The following CSTL1 variants were observed in gnomAD, a reference collection of about 807,000 sequenced individuals.
The protein encoded by CSTL1 is cystatin like 1, also known as cystatin-like 1.
In CSTL1, 14 loss-of-function variants were observed where a neutral mutation model predicts 14.4. That is an observed-to-expected ratio of 0.97 (90% CI 0.64 to 1.52). The LOEUF is 1.52. Among genes scored for constraint, CSTL1 ranks in the 40% most tolerant of loss-of-function variants. The probability of loss-of-function intolerance (pLI) is 0.00; values close to 1 mark genes in which losing one functional copy is unlikely to be tolerated. For synonymous variants in CSTL1, 72 were observed against 67.5 expected, an observed-to-expected ratio of 1.07 and a Z score of -0.33; for missense variants, 170 against 168.7, an observed-to-expected ratio of 1.01 and a Z score of -0.04.
At chr20:23,451,849 C>T in the CSTL1 span, 48 of 1,613,960 alleles carry the variant, frequency 3.0e-5, no homozygotes, top group Admixed American at 5.0e-5. Context: ...GGACACAGTT[C>T]GTGGTCTCTG....
the CSTL1 span, among the ~76,000 whole-genome samples, chr20:23,452,240 G>A: frequency 6.6e-6 from 1 of 152,108 alleles, no homozygotes; most frequent in African/African-American, 2.4e-5. Context: ...CGTTTTATTG[G>A]CCATGTGGTC....
chr20:23,455,664 G>C, the CSTL1 span, among the ~76,000 whole-genome samples: 1 of 152,314 alleles, frequency 6.6e-6, no homozygotes, highest in Non-Finnish European at 1.5e-5. Context: ...GCCTTCACTT[G>C]TGTCAGTGCA....
At chr20:23,441,055 G>C (rs542715408) in intron 2 of CSTL1, among the ~76,000 whole-genome samples, 1 of 152,144 alleles carries the variant, frequency 6.6e-6, no homozygotes, top group Non-Finnish European at 1.5e-5. Flanking sequence ...TACCACGCCC[G>C]GCCAGCTCTT....
chr20:23,446,450 G>T (rs149868825), downstream of CSTL1, among the ~76,000 whole-genome samples: 2 of 152,088 alleles, frequency 1.3e-5, no homozygotes, highest in South Asian at 2.1e-4. Context: ...TAGAGACAGG[G>T]TTTCACCATG....
rs753108924 is a variant in CSTL1 at position 23,440,167 on chromosome 20, T to C, written c.-101T>C. On this transcript the variant is annotated 5_prime_UTR_variant, in exon 2 of 4. Coordinates refer to ENST00000347397, the MANE Select transcript of CSTL1 (RefSeq NM_138283.1). ...AGGCAGGCCATCCCCCAGGAAAGCCTATGTTGGTGAGGGTTATGATGGGAG... is the reference window on the plus strand; with the variant it reads ...AGGCAGGCCATCCCCCAGGAAAGCCCATGTTGGTGAGGGTTATGATGGGAG... 1.3e-4 allele frequency: 155 copies of C among 1,212,246 alleles called. No individual in the cohort carries two copies. Among genetic ancestry groups the C allele is most frequent in the Middle Eastern group, 5.6e-4 (2 of 3,556 alleles). The allele number at this position is 1,212,246 out of a possible 1,614,324, so 75.1% of individuals were successfully genotyped here.
At chr20:23,447,516 C>T (rs1198464390), downstream of CSTL1, among the ~76,000 whole-genome samples, 3 of 150,912 alleles carry the variant, frequency 2.0e-5, no homozygotes, top group African/African-American at 4.9e-5. Flanking sequence ...TTGCCCAGGC[C>T]GCAGTGCAGT....
chr20:23,441,479 G>A (rs1187971559), intron 2 of CSTL1, among the ~76,000 whole-genome samples: 5 of 152,150 alleles, frequency 3.3e-5, no homozygotes, highest in African/African-American at 1.2e-4. Context: ...ATGAGGAATT[G>A]GTTCCAGGAC....
Position 23,444,104 on chromosome 20 carries a change from C to G in CSTL1, c.330+60C>G, listed in dbSNP as rs111691560. On this transcript the variant is annotated intron_variant, in intron 3 of 3. Coordinates refer to ENST00000347397, the MANE Select transcript of CSTL1 (RefSeq NM_138283.1). ...AAGTGAATATTTTAAAAAGCAACAG[C>G]TAGAAGTTGGCAGTTTTGCCACTTG... The G allele has an allele frequency of 1.1e-5, 17 of 1,501,194 alleles. No individual in the cohort carries two copies. The African/African-American group carries it at 1.2e-4, about 11-fold the overall frequency. The allele number at this position is 1,501,194 out of a possible 1,614,324, so 93.0% of individuals were successfully genotyped here. A position where few individuals can be genotyped will look rare whatever the true frequency, so the allele number is the denominator to read the frequency against.
chr20:23,452,655 C>A, the CSTL1 span: 1 of 1,613,918 alleles, frequency 6.2e-7, no homozygotes, highest in Non-Finnish European at 8.5e-7. Flanking sequence ...TTATACTGGT[C>A]GGTGATCCAC....
chr20:23,450,424 C>A, the CSTL1 span: 2 of 847,852 alleles, frequency 2.4e-6, no homozygotes, highest in Non-Finnish European at 1.8e-6. Flanking sequence ...TGTTGACAAA[C>A]ATTTATTGCC....
downstream of CSTL1, among the ~76,000 whole-genome samples, chr20:23,448,342 G>A (rs1712949265): frequency 6.6e-6 from 1 of 152,196 alleles, no homozygotes; most frequent in Admixed American, 6.5e-5. Context: ...ATTGAGACAG[G>A]AGTGGGCACC....
chr20:23,439,936 T>C lies in CSTL1; in HGVS notation c.-125+130T>C, dbSNP rs79800414. The C allele has an allele frequency of 8.1e-3, 2,759 of 339,670 alleles. 108 individuals are homozygous for C. The East Asian group carries it at 0.083, about 10-fold the overall frequency. The allele number at this position is 339,670 out of a possible 1,614,324, so 21.0% of individuals were successfully genotyped here. A position where few individuals can be genotyped will look rare whatever the true frequency, so the allele number is the denominator to read the frequency against. On this transcript the variant is annotated intron_variant, in intron 1 of 3. Coordinates refer to ENST00000347397, the MANE Select transcript of CSTL1 (RefSeq NM_138283.1). ...TCTCTATCTACAACCCCAGCTCTTA[T>C]TGCAGAGCACTGTAGGGGCTGTTCT... is the stretch of plus-strand genomic sequence containing the variant.
At chr20:23,452,553 C>T in the CSTL1 span, 7 of 1,423,888 alleles carry the variant, frequency 4.9e-6, no homozygotes, top group East Asian at 6.8e-5. Flanking sequence ...GCGTATCAGG[C>T]CTGGGGAGAG....
chr20:23,447,652 G>C (rs572518790), downstream of CSTL1, among the ~76,000 whole-genome samples: 2 of 152,046 alleles, frequency 1.3e-5, no homozygotes, highest in South Asian at 4.1e-4. Context: ...GTAGAGATGG[G>C]GTTTCACCAT....
chr20:23,440,730 C>A, intron 2 of CSTL1: 1 of 581,310 alleles, frequency 1.7e-6, no homozygotes. Flanking sequence ...CACTTAGAGG[C>A]AAAAGTGTTC....
At chr20:23,439,949 T>C in intron 1 of CSTL1, 143 bp downstream of exon 1, 1 of 394,200 alleles carries the variant, frequency 2.5e-6, no homozygotes, top group Non-Finnish European at 4.8e-6. Flanking sequence ...CAGAGCACTG[T>C]AGGGGCTGTT....
chr20:23,450,480 G>C, the CSTL1 span: 4 of 1,509,678 alleles, frequency 2.6e-6, no homozygotes, highest in Admixed American at 5.4e-5. Flanking sequence ...CACATGCAGT[G>C]GCCGCAGTTG....
At chr20:23,443,534 A>T (rs1986887398) in intron 2 of CSTL1, among the ~76,000 whole-genome samples, 1 of 150,722 alleles carries the variant, frequency 6.6e-6, no homozygotes, top group Non-Finnish European at 1.5e-5. Context: ...GTCAGGAAGG[A>T]TAGTAGAGAC....
At chr20:23,453,879 A>AT in the CSTL1 span, among the ~76,000 whole-genome samples, 1 of 151,992 alleles carries the variant, frequency 6.6e-6, no homozygotes. Flanking sequence ...TTCACACCCG[A>AT]ACACACGGAC....
Sources: gnomAD v4.1 joint callset for allele counts (sites outside exome capture counted in the v4.1 genomes callset) on GRCh38, gnomAD v4.1.1 for gene constraint, MANE v1.5 for transcripts, NCBI Gene and HGNC (gene_info 2026-07-23, HGNC 2026-07-21) for gene names.